CACNA2D2: variants seen among roughly 807,000 people sequenced by gnomAD.
CACNA2D2 encodes the protein voltage-dependent calcium channel subunit alpha-2/delta-2.
CACNA2D2 carries 48 observed loss-of-function variants against 166.4 expected under a neutral mutation model. That is an observed-to-expected ratio of 0.29 (90% confidence interval 0.23 to 0.37). The LOEUF (loss-of-function observed/expected upper bound fraction) is 0.37, where lower values mean the gene tolerates loss of function less well. CACNA2D2 is among the 10% of genes least tolerant of loss of function. The pLI is 1.00. For missense variants in CACNA2D2, 1,122 were observed against 1,433.0 expected, an observed-to-expected ratio of 0.78 and a Z score of 3.50; for synonymous variants, 561 against 573.7, an observed-to-expected ratio of 0.98 and a Z score of 0.32.
intron 2 of CACNA2D2, among the ~76,000 whole-genome samples, chr3:50,453,700 C>T (rs1227938404): frequency 6.6e-6 from 1 of 152,120 alleles, no homozygotes; most frequent in Non-Finnish European, 1.5e-5. Flanking sequence ...CGACTTCTGG[C>T]AAAGGAAGAG....
At chr3:50,389,545 C>T (rs1453338342) in intron 4 of CACNA2D2, among the ~76,000 whole-genome samples, 2 of 152,164 alleles carry the variant, frequency 1.3e-5, no homozygotes, top group East Asian at 3.9e-4. Context: ...ACTTGCAGCC[C>T]TCAGGAGCCC....
intron 3 of CACNA2D2, chr3:50,416,292 G>C (rs1005402092): frequency 6.2e-4 from 95 of 152,558 alleles, no homozygotes; most frequent in African/African-American, 2.2e-3. Context: ...GGACCAGAAG[G>C]ATGCAGCGTG....
chr3:50,429,161 C>T (rs1240005473), intron 3 of CACNA2D2, among the ~76,000 whole-genome samples: 1 of 152,068 alleles, frequency 6.6e-6, no homozygotes, highest in Non-Finnish European at 1.5e-5. Flanking sequence ...ACTTCGGAGG[C>T]AGAGGTTGCA....
intron 3 of CACNA2D2, among the ~76,000 whole-genome samples, chr3:50,396,240 C>A (rs113887534): frequency 6.6e-6 from 1 of 152,106 alleles, no homozygotes; most frequent in African/African-American, 2.4e-5. Context: ...CTCCTCCATT[C>A]CACCCCAGCA....
intron 4 of CACNA2D2, among the ~76,000 whole-genome samples, chr3:50,388,867 CA>C (rs147485020): frequency 0.01 from 1,549 of 152,348 alleles, 11 homozygotes; most frequent in Non-Finnish European, 0.016. Context: ...GGCTTAGTCC[CA>C]GCATTCTGCA....
intron 3 of CACNA2D2, among the ~76,000 whole-genome samples, chr3:50,398,106 C>T (rs188372296): frequency 3.9e-5 from 6 of 152,238 alleles, no homozygotes; most frequent in Admixed American, 3.3e-4. Flanking sequence ...GGCCCAGAGG[C>T]GAGGGAAGAA....
chr3:50,463,735 C>T (rs1709691420), intron 2 of CACNA2D2, among the ~76,000 whole-genome samples: 1 of 152,242 alleles, frequency 6.6e-6, no homozygotes, highest in Admixed American at 6.5e-5. Context: ...TCAGGAAATG[C>T]ACAAACCAGC....
In CACNA2D2 at chr3:50,503,257, G is replaced by A. The variant is rs1699060022; in HGVS notation, c.167C>T (p.Ala56Val). The A allele has an allele frequency of 5.9e-6, 7 of 1,191,166 alleles. No homozygotes were observed. The highest frequency in any genetic ancestry group is 3.3e-4 in the Middle Eastern group (1 of 2,990). The allele number at this position is 1,191,166 out of a possible 1,614,324, so 73.8% of individuals were successfully genotyped here. ...LLLPLLPLLA[A>V]PGASAYSFPQ... ...GAAGCTGTAGGCAGAGGCGCCGGGG[G>A]CGGCGAGCAGCGGTAGAAGCGGCAG... Residue 56 changes from alanine to valine, a missense_variant, in exon 1 of 38, where the codon GCC becomes GTC. Ala to Val is a moderately conservative substitution (Grantham distance 64). Around this residue, in one of 2 missense-constraint regions of CACNA2D2, gnomAD observed 840 missense variants for 1,166.8 expected, o/e 0.72. Transcript: ENST00000424201.
At position 50,379,871 on chromosome 3, in the gene CACNA2D2, G is replaced by A. The variant is rs200458667; in HGVS notation, c.894-47C>T. On this transcript the variant is annotated intron_variant, in intron 9 of 37. Coordinates refer to ENST00000424201, the MANE Select transcript of CACNA2D2 (RefSeq NM_006030.4). This position sits in a 1 kb window ranked among gnomAD's most constrained non-coding sequence, Gnocchi z 6.5. ...CGTGGAGGAGCCAGGGGAACCTCAC[G>A]TGTTCTCCTGCCCATCCCCCAAGAT... 52 of 1,608,784 alleles carry A rather than the reference G, an allele frequency of 3.2e-5. No individual in the cohort carries two copies. Among genetic ancestry groups the A allele is most frequent in the African/African-American group, 2.7e-4 (20 of 74,928 alleles).
At position 50,376,222 on chromosome 3, in the gene CACNA2D2, G is replaced by A; in HGVS notation, c.1627-34C>T. The A allele has an allele frequency of 6.2e-7, 1 of 1,608,050 alleles. No individual in the cohort carries two copies. The highest frequency in any genetic ancestry group is 8.5e-7 in the Non-Finnish European group (1 of 1,176,014). ...ACAGATTGGGGGCTCAGGGTCTGGA[G>A]GGATGGGCTGGGGTTCCCTGGGCTC... On this transcript the variant is annotated intron_variant, in intron 17 of 37. Transcript: ENST00000424201. The surrounding 1 kb of genome is among the most constrained non-coding windows in gnomAD (Gnocchi z 4.3).
intron 3 of CACNA2D2, chr3:50,416,084 T>C (rs547161382): frequency 6.6e-6 from 1 of 152,404 alleles, no homozygotes; most frequent in African/African-American, 2.4e-5. Context: ...GTGGCCACTC[T>C]GCACCAGATT....
Position 50,375,971 on chromosome 3 carries a change from T to C in CACNA2D2, c.1765A>G (p.Lys589Glu). The C allele has an allele frequency of 6.2e-7, 1 of 1,613,298 alleles. No homozygotes were observed. Among genetic ancestry groups the C allele is most frequent in the Non-Finnish European group, 8.5e-7 (1 of 1,179,976 alleles). The change falls in exon 19 of 38, where the codon AAG becomes GAG. Residue 589 changes from lysine to glutamate, a missense_variant. This residue lies in a region of CACNA2D2 where 840 missense variants were observed against 1,166.8 expected (regional missense o/e 0.72). Coordinates refer to ENST00000424201, the MANE Select transcript of CACNA2D2 (RefSeq NM_006030.4). This position sits in a 1 kb window ranked among gnomAD's most constrained non-coding sequence, Gnocchi z 4.0. Reference protein sequence around the residue: ...FLDAELEDENKEEIRRSMIDG... With the variant: ...FLDAELEDENEEEIRRSMIDG... ...TCTCCTCCTCTCCTTACCTCTTCCT[T>C]GTTCTCATCCTCTAGCTCCGCATCC...
chr3:50,489,416 T>G (rs1328523100), intron 1 of CACNA2D2, among the ~76,000 whole-genome samples: 1 of 152,174 alleles, frequency 6.6e-6, no homozygotes, highest in Non-Finnish European at 1.5e-5. Flanking sequence ...TAATGGCCTT[T>G]GGGATTGTTC....
At chr3:50,445,128 C>T (rs1401943714) in intron 2 of CACNA2D2, among the ~76,000 whole-genome samples, 1 of 152,190 alleles carries the variant, frequency 6.6e-6, no homozygotes, top group East Asian at 1.9e-4. Context: ...GTGTGGCCAT[C>T]TGAGATGTTT....
At chr3:50,447,211 T>C (rs1041279057) in intron 2 of CACNA2D2, among the ~76,000 whole-genome samples, 1 of 152,154 alleles carries the variant, frequency 6.6e-6, no homozygotes, top group Non-Finnish European at 1.5e-5. Context: ...ACTCACTGCC[T>C]GTGTGAATTC....
intron 2 of CACNA2D2, among the ~76,000 whole-genome samples, chr3:50,458,787 GC>G (rs1245526529): frequency 6.6e-6 from 1 of 152,238 alleles, no homozygotes; most frequent in Non-Finnish European, 1.5e-5. Context: ...GCCCTGGCAG[GC>G]CCACTGCTAG....
rs1342328984 is a variant in CACNA2D2, at chr3:50,402,475, T to TG, written c.406-8308dup. ...GCTCCCAGGTCTCCTGTTGAGCACT[T>TG]GCAAGAGATGCCCCAATGAGAAATA... is the stretch of plus-strand genomic sequence containing the variant. On this transcript the variant is annotated intron_variant, in intron 3 of 37. Transcript: ENST00000424201. Among the ~76,000 whole-genome samples, 6 of 152,330 alleles carry TG rather than the reference T, an allele frequency of 3.9e-5. No individual in the cohort carries two copies. The South Asian group carries it at 1.0e-3, about 26-fold the overall frequency.
intron 2 of CACNA2D2, among the ~76,000 whole-genome samples, chr3:50,454,650 G>A (rs1206367851): frequency 1.3e-5 from 2 of 152,170 alleles, no homozygotes; most frequent in Non-Finnish European, 2.9e-5. Context: ...AAAAAATAAG[G>A]TATTTTAAAA....
At chr3:50,388,953 C>T (rs587742931) in intron 4 of CACNA2D2, among the ~76,000 whole-genome samples, 19 of 152,226 alleles carry the variant, frequency 1.2e-4, no homozygotes, top group African/African-American at 3.9e-4. Flanking sequence ...AAAGGCAGCC[C>T]GAGAGTTCCA....
Sources: gnomAD v4.1 joint callset for allele counts (sites outside exome capture counted in the v4.1 genomes callset) on GRCh38, gnomAD v4.1.1 for gene constraint, gnomAD v4.1.1 regional missense constraint, Gnocchi (gnomAD v3.1) non-coding constraint, MANE v1.5 for transcripts, NCBI Gene and HGNC (gene_info 2026-07-23, HGNC 2026-07-21) for gene names.